AGBL4: variants seen among roughly 807,000 people sequenced by gnomAD.
AGBL4 encodes AGBL carboxypeptidase 4, also known as cytosolic carboxypeptidase 6.
A neutral mutation model predicts 66.4 loss-of-function variants in AGBL4; 58 were observed. The observed-to-expected ratio is 0.87, with a 90% CI of 0.71 to 1.09. The LOEUF is 1.09. AGBL4 is among the 50% of genes least tolerant of loss of function. The pLI is 0.00. For synonymous variants in AGBL4, 234 were observed against 222.9 expected (o/e 1.05, Z -0.44); for missense variants, 579 against 631.0 (o/e 0.92, Z 0.88).
the AGBL4 span, among the ~76,000 whole-genome samples, chr1:48,523,208 C>T: frequency 2.0e-5 from 3 of 152,158 alleles, no homozygotes; most frequent in African/African-American, 4.8e-5. Context: ...GATTCCAGGT[C>T]TCTCTGCTTC....
intron 3 of AGBL4, among the ~76,000 whole-genome samples, chr1:49,624,139 A>G (rs2124319376): frequency 6.6e-6 from 1 of 152,202 alleles, no homozygotes; most frequent in East Asian, 1.9e-4. Flanking sequence ...TATTATCATC[A>G]TCATAATTAC....
chr1:49,598,829 G>A (rs773554606), intron 3 of AGBL4, among the ~76,000 whole-genome samples: 23 of 152,154 alleles, frequency 1.5e-4, no homozygotes, highest in East Asian at 1.2e-3. Flanking sequence ...GAATTTTGTC[G>A]AAGGCCTTTT....
chr1:49,318,440 T>C (rs768306296), intron 3 of AGBL4, among the ~76,000 whole-genome samples: 1 of 151,780 alleles, frequency 6.6e-6, no homozygotes, highest in African/African-American at 2.4e-5. Flanking sequence ...GCAATGATGA[T>C]AGCAAACACA....
chr1:49,955,981 T>C (rs982043290), intron 1 of AGBL4, among the ~76,000 whole-genome samples: 2 of 151,834 alleles, frequency 1.3e-5, no homozygotes, highest in Non-Finnish European at 2.9e-5. Context: ...TTTAGGAAAA[T>C]GGATTCAGCA....
intron 3 of AGBL4, among the ~76,000 whole-genome samples, chr1:49,561,753 C>A (rs1295417305): frequency 1.3e-5 from 2 of 151,562 alleles, no homozygotes; most frequent in African/African-American, 4.8e-5. Context: ...TTGTGAATAG[C>A]GCCACAATAA....
intron 6 of AGBL4, among the ~76,000 whole-genome samples, chr1:48,743,421 AT>A (rs1650244440): frequency 6.6e-6 from 1 of 152,166 alleles, no homozygotes; most frequent in Non-Finnish European, 1.5e-5. Flanking sequence ...TAAAGGGGTT[AT>A]TTTTTCTCCA....
chr1:49,353,030 AG>A (rs1643943215), intron 3 of AGBL4, among the ~76,000 whole-genome samples: 1 of 152,166 alleles, frequency 6.6e-6, no homozygotes, highest in African/African-American at 2.4e-5. Flanking sequence ...CATTCAAACT[AG>A]TTTAAGTATT....
At chr1:49,935,746 GC>G (rs768520248) in intron 1 of AGBL4, among the ~76,000 whole-genome samples, 8 of 152,160 alleles carry the variant, frequency 5.3e-5, no homozygotes, top group Non-Finnish European at 8.8e-5. Context: ...TGGACCTCTA[GC>G]AAACTCCAAC....
chr1:48,791,724 A>T (rs1377804801), intron 6 of AGBL4, among the ~76,000 whole-genome samples: 3 of 152,338 alleles, frequency 2.0e-5, no homozygotes, highest in Admixed American at 2.0e-4. Context: ...ATATGGAGAC[A>T]AAATTAGGGC....
intron 5 of AGBL4, among the ~76,000 whole-genome samples, chr1:48,892,822 TC>T (rs1399778314): frequency 6.6e-6 from 1 of 152,058 alleles, no homozygotes; most frequent in South Asian, 2.1e-4. Context: ...CTCTAACCAT[TC>T]CCCCCCTTTT....
rs4012953 is a variant in AGBL4, at chr1:49,747,944, T to TTGTGTG, written c.158-50513_158-50508dup. Among the ~76,000 whole-genome samples, 1,044 of 147,544 alleles carry TTGTGTG rather than the reference T, an allele frequency of 7.1e-3. 8 individuals are homozygous for TTGTGTG. The highest frequency in any genetic ancestry group is 0.011 in the Non-Finnish European group (702 of 66,312). On this transcript the variant is annotated intron_variant, in intron 2 of 13. Transcript: ENST00000371839. ...GAACCAATAAAAGGAGTGTGTGTGT[T>TTGTGTG]TGTGTGTGTGTGTGTGTGTGTGTGT...
chr1:49,003,662 A>C (rs1661562669), intron 5 of AGBL4, among the ~76,000 whole-genome samples: 1 of 151,836 alleles, frequency 6.6e-6, no homozygotes, highest in South Asian at 2.1e-4. Context: ...ACCTTTCCTC[A>C]CAGTTACTCG....
chr1:49,880,704 G>C (rs536112070), intron 1 of AGBL4, among the ~76,000 whole-genome samples: 1 of 152,276 alleles, frequency 6.6e-6, no homozygotes, highest in East Asian at 1.9e-4. Flanking sequence ...TGAGCTTCCC[G>C]GCTGCTTTGT....
intron 4 of AGBL4, among the ~76,000 whole-genome samples, chr1:49,104,408 A>AT (rs1645256959): frequency 6.6e-6 from 1 of 152,040 alleles, no homozygotes; most frequent in South Asian, 2.1e-4. Flanking sequence ...AGGTACAATT[A>AT]TTTTTTTTCA....
At chr1:48,691,288 A>AT (rs1010135601) in intron 6 of AGBL4, among the ~76,000 whole-genome samples, 1 of 151,634 alleles carries the variant, frequency 6.6e-6, no homozygotes, top group Non-Finnish European at 1.5e-5. Context: ...AGATAGTTAT[A>AT]TTTTTTTATA....
chr1:48,667,224 TA>T (rs144248758), intron 6 of AGBL4, among the ~76,000 whole-genome samples: 215 of 152,330 alleles, frequency 1.4e-3, no homozygotes, highest in African/African-American at 5.0e-3. Context: ...TGAAATACTA[TA>T]GAAGTGATGG....
chr1:49,287,297 G>C (rs1354449282), intron 3 of AGBL4, among the ~76,000 whole-genome samples: 2 of 144,084 alleles, frequency 1.4e-5, no homozygotes, highest in African/African-American at 5.2e-5. Flanking sequence ...CAGGACATAG[G>C]CATGGGCAAG....
At chr1:49,549,367 C>A (rs948277089) in intron 3 of AGBL4, among the ~76,000 whole-genome samples, 1 of 151,196 alleles carries the variant, frequency 6.6e-6, no homozygotes, top group East Asian at 1.9e-4. Flanking sequence ...TGAGGTGTGA[C>A]CTTAGAATGT....
At chr1:49,700,768 C>T (rs147519531) in intron 2 of AGBL4, among the ~76,000 whole-genome samples, 9 of 151,936 alleles carry the variant, frequency 5.9e-5, no homozygotes, top group African/African-American at 2.2e-4. Context: ...AAATTTATAA[C>T]CATACATGCA....
Sources: gnomAD v4.1 joint callset for allele counts (sites outside exome capture counted in the v4.1 genomes callset) on GRCh38, gnomAD v4.1.1 for gene constraint, MANE v1.5 for transcripts, NCBI Gene and HGNC (gene_info 2026-07-23, HGNC 2026-07-21) for gene names.